Variants in COL25A1 observed in about 807,000 individuals in gnomAD.
The protein encoded by COL25A1 is collagen type XXV alpha 1 chain, also known as collagen alpha-1(XXV) chain.
A neutral mutation model predicts 128.4 loss-of-function variants in COL25A1; 103 were observed. That is an observed-to-expected ratio of 0.80 (90% CI 0.68 to 0.94). The LOEUF (loss-of-function observed/expected upper bound fraction) is 0.94. Ranked by LOEUF, COL25A1 falls within the 40% of genes least tolerant of loss-of-function variation. The probability of loss-of-function intolerance (pLI) is 0.00; values close to 1 mark genes in which losing one functional copy is unlikely to be tolerated. For synonymous variants in COL25A1, 279 were observed against 277.2 expected, an observed-to-expected ratio of 1.01 and a Z score of -0.06; for missense variants, 745 against 840.0, an observed-to-expected ratio of 0.89 and a Z score of 1.40.
chr4:108,969,360 G>A (rs1057497174), intron 8 of COL25A1, among the ~76,000 whole-genome samples: 16 of 152,166 alleles, frequency 1.1e-4, no homozygotes, highest in Middle Eastern at 3.4e-3. Flanking sequence ...GCTGATATAC[G>A]CCTAGATGCA....
rs6838008 is a variant in COL25A1, at chr4:109,152,645, C to T, written c.368-102466G>A. Among the ~76,000 whole-genome samples the T allele has an allele frequency of 9.4e-3, 1,437 of 152,200 alleles. 24 individuals carry two copies. The highest frequency in any genetic ancestry group is 0.032 in the African/African-American group (1,343 of 41,518). ...ACCCATGGGTGAATCAACAGAAAAA[C>T]CAAATGTGGTATATACGTACAATGG... On this transcript the variant is annotated intron_variant, in intron 3 of 37. Transcript: ENST00000399132.
intron 6 of COL25A1, among the ~76,000 whole-genome samples, chr4:108,980,313 T>C (rs924835794): frequency 6.6e-6 from 1 of 152,182 alleles, no homozygotes; most frequent in Admixed American, 6.5e-5. Flanking sequence ...TCAGGAGACA[T>C]TTCTCAAGTA....
In COL25A1 at chr4:108,884,063, G is replaced by A. The variant is rs577124973; in HGVS notation, c.1020+115C>T. 6.2e-6 allele frequency: 6 copies of A among 966,506 alleles called. No individual in the cohort carries two copies. In the Admixed American group the frequency reaches 8.4e-5, roughly 14 times the overall value. The allele number at this position is 966,506 out of a possible 1,614,324, so 59.9% of individuals were successfully genotyped here. On this transcript the variant is annotated intron_variant, in intron 19 of 37. Coordinates refer to ENST00000399132, the MANE Select transcript of COL25A1 (RefSeq NM_198721.4). ...TTTAGTTAGTTGAGATGGCTGGAGA[G>A]TACTTAGAGAACAGCATTCTATTTT...
intron 3 of COL25A1, among the ~76,000 whole-genome samples, chr4:109,293,069 T>C (rs1207853960): frequency 1.3e-5 from 2 of 152,082 alleles, no homozygotes; most frequent in African/African-American, 4.8e-5. Flanking sequence ...TGGGGTTTCA[T>C]AATTCCTGGA....
intron 3 of COL25A1, among the ~76,000 whole-genome samples, chr4:109,110,686 G>A (rs1168053618): frequency 3.6e-4 from 55 of 151,860 alleles, no homozygotes; most frequent in Non-Finnish European, 4.4e-5. Flanking sequence ...TCCTTTTCCT[G>A]CTCCTCTTCA....
At chr4:109,265,517 ACGTGTGTGTG>A in intron 3 of COL25A1, among the ~76,000 whole-genome samples, 1 of 102,058 alleles carries the variant, frequency 9.8e-6, no homozygotes. Flanking sequence ...TAATAACAGT[ACGTGTGTGTG>A]TGTGTGTGTG....
chr4:108,824,373 G>A (rs1732125895), intron 34 of COL25A1, 146 bp from the exon 35 acceptor site: 4 of 613,976 alleles, frequency 6.5e-6, no homozygotes, highest in Admixed American at 3.3e-5. Flanking sequence ...TAATAAAGCA[G>A]TGCTTAGAAA....
intron 3 of COL25A1, among the ~76,000 whole-genome samples, chr4:109,219,978 C>T (rs1036857585): frequency 6.6e-6 from 1 of 152,040 alleles, no homozygotes; most frequent in East Asian, 1.9e-4. Context: ...GATGGAAAAC[C>T]TATATGTATT....
chr4:109,194,428 A>C (rs1234947960), intron 3 of COL25A1, among the ~76,000 whole-genome samples: 1 of 152,196 alleles, frequency 6.6e-6, no homozygotes, highest in African/African-American at 2.4e-5. Flanking sequence ...GTGTTAGATA[A>C]AATTCACTAA....
chr4:108,971,849 G>A lies in COL25A1; in HGVS notation c.492+2518C>T, dbSNP rs922333806. Among the ~76,000 whole-genome samples the A allele has an allele frequency of 1.2e-4, 18 of 152,188 alleles. 1 individual carries two copies. The highest frequency in any genetic ancestry group is 1.2e-3 in the Admixed American group (18 of 15,276). On this transcript the variant is annotated intron_variant, in intron 8 of 37. Transcript: ENST00000399132. ...AAGAACATGAAAGTAAGTTGAATTT[G>A]GTGGTTAGTAGAAGAGAGAGATAAG...
At chr4:108,817,208 T>C (rs1245361466) in intron 37 of COL25A1, among the ~76,000 whole-genome samples, 189 bp downstream of exon 37, 2 of 152,196 alleles carry the variant, frequency 1.3e-5, no homozygotes, top group Non-Finnish European at 2.9e-5. Context: ...AATTGCAGTG[T>C]TTGCTAAGAA....
intron 11 of COL25A1, among the ~76,000 whole-genome samples, chr4:108,936,236 C>T (rs1747385422): frequency 6.6e-6 from 1 of 152,102 alleles, no homozygotes. Flanking sequence ...TCCGTTCCTT[C>T]CACTTTTTTC....
At chr4:108,981,181 A>G (rs1273419239) in intron 6 of COL25A1, among the ~76,000 whole-genome samples, 2 of 152,242 alleles carry the variant, frequency 1.3e-5, no homozygotes, top group Admixed American at 1.3e-4. Context: ...GATCCTAGGT[A>G]TTTAGGTGAG....
At chr4:108,832,614 G>A (rs191660773) in intron 31 of COL25A1, 181 bp from the exon 32 acceptor site, 1 of 559,222 alleles carries the variant, frequency 1.8e-6, no homozygotes. Context: ...CATGCAAAAA[G>A]GATGAAGTAT....
At chr4:109,202,207 T>C (rs1458760816) in intron 3 of COL25A1, among the ~76,000 whole-genome samples, 1 of 152,084 alleles carries the variant, frequency 6.6e-6, no homozygotes, top group African/African-American at 2.4e-5. Context: ...GCTACCCGAC[T>C]TCAAAACTTA....
intron 28 of COL25A1, among the ~76,000 whole-genome samples, chr4:108,845,480 A>T (rs73840718): frequency 0.04 from 6,018 of 152,264 alleles, 395 homozygotes; most frequent in African/African-American, 0.13. Flanking sequence ...AATGAAAACT[A>T]GTTTGAGCTT....
chr4:109,009,237 T>A (rs1756348212), intron 6 of COL25A1, among the ~76,000 whole-genome samples: 1 of 152,252 alleles, frequency 6.6e-6, no homozygotes, highest in Non-Finnish European at 1.5e-5. Flanking sequence ...AAGCTATAAC[T>A]TTCTTCCGTG....
chr4:109,044,311 G>C (rs559437275), intron 5 of COL25A1, among the ~76,000 whole-genome samples: 43 of 152,210 alleles, frequency 2.8e-4, no homozygotes, highest in African/African-American at 1.0e-3. Flanking sequence ...CATAATTCTA[G>C]TGGAATATAT....
At chr4:109,224,714 T>C (rs7686421) in intron 3 of COL25A1, among the ~76,000 whole-genome samples, 25,111 of 151,890 alleles carry the variant, frequency 0.17, 4,436 homozygotes, top group African/African-American at 0.45. Flanking sequence ...CCGAAGTGGG[T>C]GGATCAACTG....
Sources: allele counts gnomAD v4.1 joint callset (sites outside exome capture counted in the v4.1 genomes callset), GRCh38; gene constraint gnomAD v4.1.1; transcripts MANE v1.5; gene names NCBI Gene and HGNC (gene_info 2026-07-23, HGNC 2026-07-21).